FRAS1: variants seen among roughly 807,000 people sequenced by gnomAD.
FRAS1 encodes extracellular matrix organizing protein FRAS1.
FRAS1 carries 290 observed loss-of-function variants against 435.2 expected under a neutral mutation model. The ratio of observed to expected loss-of-function variants is 0.67; its 90% CI spans 0.61 to 0.73. The LOEUF is 0.73. Among genes scored for constraint, FRAS1 ranks in the 30% least tolerant of loss-of-function variants. The pLI is 0.00. For synonymous variants in FRAS1, 1,800 were observed against 1,851.0 expected, an observed-to-expected ratio of 0.97 and a Z score of 0.71; for missense variants, 4,860 against 5,001.5, an observed-to-expected ratio of 0.97 and a Z score of 0.85.
intron 63 of FRAS1, among the ~76,000 whole-genome samples, chr4:78,510,732 G>A (rs1721009534): frequency 6.6e-6 from 1 of 152,228 alleles, no homozygotes; most frequent in Non-Finnish European, 1.5e-5. Flanking sequence ...ACTAGAAGGT[G>A]TCAGAGGCCA....
chr4:78,401,495 T>C (rs1732890900), intron 30 of FRAS1, among the ~76,000 whole-genome samples: 2 of 152,232 alleles, frequency 1.3e-5, no homozygotes, highest in South Asian at 4.1e-4. Context: ...GGCCAGTTAT[T>C]GCATGAGCTT....
chr4:78,073,987 A>G (rs1302802370), intron 2 of FRAS1, among the ~76,000 whole-genome samples: 3 of 152,206 alleles, frequency 2.0e-5, no homozygotes, highest in African/African-American at 7.2e-5. Context: ...TTTATAAGCT[A>G]AATGAAAGGA....
chr4:78,306,660 C>T (rs1214682258), intron 14 of FRAS1, among the ~76,000 whole-genome samples: 8 of 149,380 alleles, frequency 5.4e-5, no homozygotes, highest in Admixed American at 1.3e-4. Context: ...CGCATCGGCT[C>T]CTGAGGCTTC....
At chr4:78,446,691 A>G in intron 42 of FRAS1, 36 bp from the exon 43 acceptor site, 2 of 1,589,578 alleles carry the variant, frequency 1.3e-6, no homozygotes, top group Non-Finnish European at 8.5e-7. Context: ...CTTCTTAAAT[A>G]TCTGTGTGAG....
At chr4:78,387,989 A>G (rs1732289135) in intron 29 of FRAS1, among the ~76,000 whole-genome samples, 1 of 152,104 alleles carries the variant, frequency 6.6e-6, no homozygotes, top group South Asian at 2.1e-4. Context: ...CCTGAGCATA[A>G]CCATAAGAAT....
intron 14 of FRAS1, among the ~76,000 whole-genome samples, chr4:78,294,852 C>T (rs1728075900): frequency 6.6e-6 from 1 of 151,218 alleles, no homozygotes. Context: ...TATGTTTATT[C>T]CAAAAAAAAA....
At position 78,333,264 on chromosome 4, in the gene FRAS1, TC is replaced by T. The variant is rs547188302; in HGVS notation, c.2138-3del. ...CTGATTGTCTCCTTTGCTTTATCTT[TC>T]CCCCAGCTTGCCACCAGTCCTGTTT... On this transcript the variant is annotated splice_region_variant and splice_polypyrimidine_tract_variant and intron_variant, in intron 18 of 73. Coordinates refer to ENST00000512123, the MANE Select transcript of FRAS1 (RefSeq NM_025074.7). 6.2e-7 allele frequency: 1 copy of T among 1,600,168 alleles called. No individual in the cohort carries two copies. The highest frequency in any genetic ancestry group is 1.1e-5 in the South Asian group (1 of 88,374).
At chr4:78,090,253 C>T (rs772602198) in intron 2 of FRAS1, among the ~76,000 whole-genome samples, 7 of 152,102 alleles carry the variant, frequency 4.6e-5, no homozygotes, top group African/African-American at 7.2e-5. Context: ...CATCAAGTTC[C>T]AGATTGGAGG....
At chr4:78,399,321 C>T (rs1302115884) in intron 29 of FRAS1, among the ~76,000 whole-genome samples, 1 of 152,144 alleles carries the variant, frequency 6.6e-6, no homozygotes, top group Non-Finnish European at 1.5e-5. Context: ...GTTTTCTTTT[C>T]AGAGTATTCT....
At position 78,312,855 on chromosome 4, in the gene FRAS1, AAGAAAGAGAG is replaced by A. The variant is rs1364819597; in HGVS notation, c.1679-2735_1679-2726del. Among the ~76,000 whole-genome samples the A allele has an allele frequency of 2.0e-4, 15 of 75,290 alleles. 1 individual carries two copies. The highest frequency in any genetic ancestry group is 1.3e-3 in the African/African-American group (14 of 10,604). 49.4% of individuals were successfully genotyped at this position (75,290 alleles called of 152,430 possible). ...TGAAAGAAAGAAAAAGAAAGAAAGA[AAGAAAGAGAG>A]AGAGAGAGAGAGAGAGAAAGAAAGA... On this transcript the variant is annotated intron_variant, in intron 15 of 73. Coordinates refer to ENST00000512123, the MANE Select transcript of FRAS1 (RefSeq NM_025074.7).
chr4:78,137,401 A>AT (rs1719967991), intron 2 of FRAS1, among the ~76,000 whole-genome samples: 1 of 152,104 alleles, frequency 6.6e-6, no homozygotes, highest in South Asian at 2.1e-4. Context: ...ATACATATAT[A>AT]TTTTTTCTCT....
At chr4:78,217,564 C>T (rs923814991) in intron 2 of FRAS1, among the ~76,000 whole-genome samples, 5 of 151,960 alleles carry the variant, frequency 3.3e-5, no homozygotes, top group Non-Finnish European at 7.4e-5. Context: ...TAAGAGATTG[C>T]TTTCCTCATC....
At position 78,542,019 on chromosome 4, in the gene FRAS1, G is replaced by C. The variant is rs1468850008; in HGVS notation, c.*895G>C. ...ACCCACCACACTTTCCTCCTACTCC[G>C]GTCTTTGCCCGTTCCTGTAACAGAC... On this transcript the variant is annotated 3_prime_UTR_variant, in exon 74 of 74. Transcript: ENST00000512123. 1.3e-5 allele frequency: 2 copies of C among 152,184 alleles called. No homozygotes were observed. The highest frequency in any genetic ancestry group is 2.9e-5 in the Non-Finnish European group (2 of 68,028). 9.4% of individuals were successfully genotyped at this position (152,184 alleles called of 1,614,324 possible). A position where few individuals can be genotyped will look rare whatever the true frequency, so the allele number is the denominator to read the frequency against.
intron 65 of FRAS1, among the ~76,000 whole-genome samples, chr4:78,515,318 G>T (rs1036826157): frequency 8.0e-6 from 1 of 124,862 alleles, no homozygotes; most frequent in Non-Finnish European, 1.7e-5. Flanking sequence ...ATGTAGGTAT[G>T]CTGGCTTTTT....
intron 2 of FRAS1, among the ~76,000 whole-genome samples, chr4:78,231,352 G>T (rs1724512330): frequency 6.6e-6 from 1 of 151,456 alleles, no homozygotes; most frequent in African/African-American, 2.4e-5. Flanking sequence ...TACAGATAAG[G>T]ATAAAGGAAA....
chr4:78,122,218 C>T (rs1045743940), intron 2 of FRAS1, among the ~76,000 whole-genome samples: 2 of 151,998 alleles, frequency 1.3e-5, no homozygotes, highest in African/African-American at 4.8e-5. Flanking sequence ...TGAGTGAGAA[C>T]ATTTGGTGTT....
intron 20 of FRAS1, among the ~76,000 whole-genome samples, chr4:78,341,668 G>A (rs543880045): frequency 7.2e-5 from 11 of 152,106 alleles, no homozygotes; most frequent in Non-Finnish European, 2.9e-5. Flanking sequence ...TCAGCCCTGG[G>A]GGGTAAGGGA....
chr4:78,425,083 C>T (rs1167797730), intron 35 of FRAS1, among the ~76,000 whole-genome samples: 1 of 146,454 alleles, frequency 6.8e-6, no homozygotes, highest in Non-Finnish European at 1.5e-5. Context: ...TGCCTGAATG[C>T]CTCATTCTTA....
At chr4:78,482,002 G>A in intron 57 of FRAS1, 38 bp downstream of exon 57, 1 of 1,595,596 alleles carries the variant, frequency 6.3e-7, no homozygotes, top group Non-Finnish European at 8.5e-7. Context: ...AAAGTTGACA[G>A]GTCGGTTTGT....
Sources: allele counts gnomAD v4.1 joint callset (sites outside exome capture counted in the v4.1 genomes callset), GRCh38; gene constraint gnomAD v4.1.1; transcripts MANE v1.5; gene names NCBI Gene and HGNC (gene_info 2026-07-23, HGNC 2026-07-21).